The following LAPTM5 variants were observed in gnomAD, a reference collection of about 807,000 sequenced individuals.
LAPTM5 encodes the protein lysosomal-associated transmembrane protein 5.
A neutral mutation model predicts 30.1 loss-of-function variants in LAPTM5; 11 were observed. The ratio of observed to expected loss-of-function variants is 0.37; its 90% CI spans 0.23 to 0.60. The LOEUF (loss-of-function observed/expected upper bound fraction) is 0.60, where lower values mean the gene tolerates loss of function less well. Ranked by LOEUF, LAPTM5 falls within the 20% of genes least tolerant of loss-of-function variation. The pLI is 0.71. For synonymous variants in LAPTM5, 151 were observed against 137.9 expected (o/e 1.10, Z -0.67); for missense variants, 324 against 332.5 (o/e 0.97, Z 0.20).
rs1557464996 is a variant in LAPTM5, at chr1:30,746,414, G to A, written c.88-3865C>T. 2.0e-5 allele frequency among the ~76,000 whole-genome samples: 3 copies of A among 152,188 alleles called. No individual in the cohort carries two copies. The highest frequency in any genetic ancestry group is 6.8e-3 in the Middle Eastern group (2 of 294). On this transcript the variant is annotated intron_variant, in intron 1 of 7. Coordinates refer to ENST00000294507, the MANE Select transcript of LAPTM5 (RefSeq NM_006762.3). The surrounding 1 kb of genome is among the most constrained non-coding windows in gnomAD (Gnocchi z 4.0). Reference sequence around the variant, plus strand: ...GGTAGTTCCTGGAAAGTACCTGGCCGACCTACAGAGTATGCAGACAGTCAA... The same window carrying A: ...GGTAGTTCCTGGAAAGTACCTGGCCAACCTACAGAGTATGCAGACAGTCAA...
chr1:30,738,424 C>A (rs1269460694), intron 5 of LAPTM5, among the ~76,000 whole-genome samples: 1 of 152,126 alleles, frequency 6.6e-6, no homozygotes, highest in African/African-American at 2.4e-5. Context: ...TGTGAGTGAG[C>A]CACCAGGAGT....
Position 30,746,634 on chromosome 1 carries a change from C to T in LAPTM5, c.88-4085G>A, listed in dbSNP as rs1640050265. On this transcript the variant is annotated intron_variant, in intron 1 of 7. Transcript: ENST00000294507. The surrounding 1 kb of genome is among the most constrained non-coding windows in gnomAD (Gnocchi z 4.0). ...CAGCATGCCCTCACCCACTTGCTCC[C>T]CAATTACAGCATCTTTTCACCCACT... 6.6e-6 allele frequency among the ~76,000 whole-genome samples: 1 copy of T among 152,182 alleles called. No individual in the cohort carries two copies. The highest frequency in any genetic ancestry group is 1.5e-5 in the Non-Finnish European group (1 of 68,026).
chr1:30,749,634 GCTCTGGGTCAACACCCAGA>G (rs1640101584), intron 1 of LAPTM5, among the ~76,000 whole-genome samples: 1 of 152,154 alleles, frequency 6.6e-6, no homozygotes, highest in Non-Finnish European at 1.5e-5. Context: ...AGCACACAGG[GCTCTGGGTCAACACCCAGA>G]GCTCAGGGTC....
chr1:30,735,118 C>T, intron 7 of LAPTM5, 55 bp downstream of exon 7: 1 of 1,302,688 alleles, frequency 7.7e-7, no homozygotes, highest in Non-Finnish European at 1.1e-6. Context: ...AAACTTGACC[C>T]AAATGGCACA....
chr1:30,740,414 A>T (rs1473527818), intron 3 of LAPTM5, among the ~76,000 whole-genome samples: 1 of 48,822 alleles, frequency 2.0e-5, no homozygotes, highest in Admixed American at 1.7e-4. Context: ...CCCACCCCCC[A>T]CTCCCCACCA....
intron 1 of LAPTM5, 91 bp downstream of exon 1, chr1:30,757,567 TC>T (rs1640229499): frequency 7.5e-7 from 1 of 1,337,000 alleles, no homozygotes; most frequent in Non-Finnish European, 1.1e-6. Context: ...AGGAGTTCTT[TC>T]ATTTGTGGGG....
intron 1 of LAPTM5, among the ~76,000 whole-genome samples, chr1:30,745,165 C>T (rs966934069): frequency 2.0e-5 from 3 of 152,212 alleles, no homozygotes; most frequent in Non-Finnish European, 4.4e-5. Context: ...CTCCATGCCA[C>T]ATGATCTTCC....
intron 1 of LAPTM5, among the ~76,000 whole-genome samples, chr1:30,743,974 T>G (rs1640009124): frequency 6.6e-6 from 1 of 152,136 alleles, no homozygotes; most frequent in African/African-American, 2.4e-5. Flanking sequence ...GGCAAGTCTC[T>G]TAACCTCTCT....
rs979939097 is a variant in LAPTM5, at chr1:30,742,650, G to A, written c.88-101C>T. 3.8e-5 allele frequency: 34 copies of A among 897,098 alleles called. No individual in the cohort carries two copies. The African/African-American group carries it at 5.2e-4, about 14-fold the overall frequency. 55.6% of individuals were successfully genotyped at this position (897,098 alleles called of 1,614,324 possible). A position where few individuals can be genotyped will look rare whatever the true frequency, so the allele number is the denominator to read the frequency against. On this transcript the variant is annotated intron_variant, in intron 1 of 7. Coordinates refer to ENST00000294507, the MANE Select transcript of LAPTM5 (RefSeq NM_006762.3). ...GTACAGCAGGGAAGCCAGTAGTGGG[G>A]ATCCTGGAGCAGATGGCATGCCAGG...
chr1:30,743,800 T>G (rs1009567187), intron 1 of LAPTM5, among the ~76,000 whole-genome samples: 2 of 147,184 alleles, frequency 1.4e-5, no homozygotes, highest in Non-Finnish European at 3.0e-5. Context: ...TGTGGGTTTT[T>G]TTTTTTTTTT....
intron 3 of LAPTM5, among the ~76,000 whole-genome samples, chr1:30,741,246 G>T (rs1043280752): frequency 1.3e-5 from 2 of 152,088 alleles, no homozygotes; most frequent in Admixed American, 1.3e-4. Context: ...CCCTTCTTCG[G>T]CTCCTCTCAT....
At position 30,733,897 on chromosome 1, in the gene LAPTM5, C is replaced by T. The variant is rs1438851769; in HGVS notation, c.720G>A (p.Glu240=). The change falls in exon 8 of 8, where the codon GAG becomes GAA. Residue 240 remains glutamate (E), a synonymous_variant. Coordinates refer to ENST00000294507, the MANE Select transcript of LAPTM5 (RefSeq NM_006762.3). ...TCTTCGATGGCAAAGACAGGGCTTC[C>T]TCGTAGGACGGCAGGACCACCTGGG... ...MLQKVVLPSY[E]EALSLPSKTP... 3 of 1,611,614 alleles carry T rather than the reference C, an allele frequency of 1.9e-6. No homozygotes were observed. The highest frequency in any genetic ancestry group is 2.5e-6 in the Non-Finnish European group (3 of 1,179,510).
chr1:30,749,558 G>GATGGATC (rs1302467428), intron 1 of LAPTM5, among the ~76,000 whole-genome samples: 29 of 152,234 alleles, frequency 1.9e-4, no homozygotes, highest in African/African-American at 5.3e-4. Flanking sequence ...GGATCATGAA[G>GATGGATC]ATGAATCAGG....
chr1:30,753,482 C>T (rs1199121368), intron 1 of LAPTM5, among the ~76,000 whole-genome samples: 1 of 152,220 alleles, frequency 6.6e-6, no homozygotes, highest in African/African-American at 2.4e-5. Flanking sequence ...TGTTCTGAGA[C>T]TGGCACATCA....
intron 6 of LAPTM5, among the ~76,000 whole-genome samples, chr1:30,737,042 TG>T (rs1169866082): frequency 6.6e-6 from 1 of 152,246 alleles, no homozygotes; most frequent in Non-Finnish European, 1.5e-5. Flanking sequence ...TTCACGTTGC[TG>T]GTTGTACTGC....
At chr1:30,737,749 C>A in intron 5 of LAPTM5, 50 bp from the exon 6 acceptor site, 1 of 1,182,038 alleles carries the variant, frequency 8.5e-7, no homozygotes, top group Non-Finnish European at 1.3e-6. Flanking sequence ...TAAGGAATTC[C>A]AACAGCACCC....
intron 1 of LAPTM5, among the ~76,000 whole-genome samples, chr1:30,751,888 C>T (rs1037200030): frequency 6.6e-6 from 1 of 152,152 alleles, no homozygotes; most frequent in African/African-American, 2.4e-5. Context: ...ATGAGGAAGG[C>T]AAGGCTCAGA....
At position 30,746,018 on chromosome 1, in the gene LAPTM5, G is replaced by C. The variant is rs1640038607; in HGVS notation, c.88-3469C>G. 1 of 152,168 alleles carries C rather than the reference G, an allele frequency of 6.6e-6. No individual in the cohort carries two copies. The highest frequency in any genetic ancestry group is 1.5e-5 in the Non-Finnish European group (1 of 68,066). 9.4% of individuals were successfully genotyped at this position (152,168 alleles called of 1,614,324 possible). ...TTGAACTTGCTCCCCTGAGGCTCCA[G>C]GATCTCTCTAGCCATCTGCCCACCC... On this transcript the variant is annotated intron_variant, in intron 1 of 7. Coordinates refer to ENST00000294507, the MANE Select transcript of LAPTM5 (RefSeq NM_006762.3). The surrounding 1 kb of genome is among the most constrained non-coding windows in gnomAD (Gnocchi z 4.0).
intron 1 of LAPTM5, among the ~76,000 whole-genome samples, chr1:30,753,642 T>A (rs548424896): frequency 1.6e-4 from 24 of 151,892 alleles, no homozygotes; most frequent in Non-Finnish European, 3.2e-4. Context: ...TGAGAAACCA[T>A]CATACCAAGA....
Sources: allele counts gnomAD v4.1 joint callset (sites outside exome capture counted in the v4.1 genomes callset), GRCh38; gene constraint gnomAD v4.1.1; non-coding constraint Gnocchi (gnomAD v3.1); transcripts MANE v1.5; gene names NCBI Gene and HGNC (gene_info 2026-07-23, HGNC 2026-07-21).